The following SLC1A6 variants were observed in gnomAD, a reference collection of about 807,000 sequenced individuals.
The protein encoded by SLC1A6 is solute carrier family 1 member 6.
In SLC1A6, 15 loss-of-function variants were observed where a neutral mutation model predicts 42.1. The observed-to-expected ratio is 0.36, with a 90% CI of 0.24 to 0.55. The LOEUF is 0.55. Among genes scored for constraint, SLC1A6 ranks in the 20% least tolerant of loss-of-function variants. SLC1A6 has a pLI of 0.88. For missense variants in SLC1A6, 542 were observed against 772.5 expected, an observed-to-expected ratio of 0.70 and a Z score of 3.54; for synonymous variants, 317 against 319.7, an observed-to-expected ratio of 0.99 and a Z score of 0.09.
At chr19:14,973,121 C>A (rs2045664499) in intron 1 of SLC1A6, 1 of 564,884 alleles carries the variant, frequency 1.8e-6, no homozygotes, top group Non-Finnish European at 3.1e-6. Context: ...GAGTTCAAGA[C>A]TGGCCTGGGC....
upstream of SLC1A6, among the ~76,000 whole-genome samples, chr19:14,982,851 A>G (rs2045774725): frequency 6.6e-6 from 1 of 152,250 alleles, no homozygotes; most frequent in African/African-American, 2.4e-5. Context: ...ACATTTATTC[A>G]TTTTAACATA....
At chr19:14,989,442 G>GT (rs982979382) in intron 1 of SLC1A6, among the ~76,000 whole-genome samples, 14 of 151,756 alleles carry the variant, frequency 9.2e-5, no homozygotes, top group African/African-American at 3.4e-4. Context: ...TGTATTTTTA[G>GT]TAGAGACGGG....
At chr19:14,998,021 G>GTGAA (rs71168538) in intron 1 of SLC1A6, among the ~76,000 whole-genome samples, 1 of 151,370 alleles carries the variant, frequency 6.6e-6, no homozygotes, top group African/African-American at 2.4e-5. Flanking sequence ...GTGTGTGTGT[G>GTGAA]TATGCACTAT....
At chr19:15,004,318 A>T (rs2045886161) in intron 1 of SLC1A6, among the ~76,000 whole-genome samples, 1 of 152,154 alleles carries the variant, frequency 6.6e-6, no homozygotes, top group South Asian at 2.1e-4. Context: ...ACATACACAC[A>T]CACACACAGA....
chr19:15,006,741 T>C (rs1220584574), intron 1 of SLC1A6, among the ~76,000 whole-genome samples: 5 of 120,916 alleles, frequency 4.1e-5, no homozygotes, highest in African/African-American at 1.6e-4. Flanking sequence ...CAGGGAAAGA[T>C]AGCAAGACCC....
At chr19:14,990,786 CA>C (rs60926365) in intron 1 of SLC1A6, among the ~76,000 whole-genome samples, 24 of 124,772 alleles carry the variant, frequency 1.9e-4, no homozygotes, top group South Asian at 1.5e-3. Flanking sequence ...CAAAACAAAA[CA>C]AAAAAAAAAA....
chr19:14,951,275 A>G (rs1369580219), intron 9 of SLC1A6, among the ~76,000 whole-genome samples: 12 of 132,762 alleles, frequency 9.0e-5, no homozygotes, highest in East Asian at 6.2e-4. Context: ...AAAAAAAAAA[A>G]AAAGAAAGAA....
intron 1 of SLC1A6, among the ~76,000 whole-genome samples, chr19:15,007,014 A>G (rs901782490): frequency 1.3e-5 from 2 of 152,140 alleles, no homozygotes; most frequent in Non-Finnish European, 2.9e-5. Context: ...TATTCCTCTA[A>G]TAAGTACGTA....
At chr19:14,971,494 A>G (rs561301228) in intron 3 of SLC1A6, among the ~76,000 whole-genome samples, 2 of 152,096 alleles carry the variant, frequency 1.3e-5, no homozygotes, top group East Asian at 3.9e-4. Context: ...CTGGCATTTT[A>G]CCTCCAAGGA....
chr19:14,971,288 T>C (rs1025401080), intron 3 of SLC1A6, among the ~76,000 whole-genome samples: 1 of 152,020 alleles, frequency 6.6e-6, no homozygotes, highest in Non-Finnish European at 1.5e-5. Flanking sequence ...AAGCAAAAGT[T>C]TGTGGACCCC....
rs369498295 is a variant in SLC1A6, at chr19:14,968,294, T to C, written c.548+9A>G. The C allele has an allele frequency of 4.4e-6, 7 of 1,603,644 alleles. No homozygotes were observed. The African/African-American group carries it at 9.4e-5, about 21-fold the overall frequency. On this transcript the variant is annotated intron_variant, in intron 4 of 9. Transcript: ENST00000594383. The stretch of plus-strand genomic sequence containing the variant: ...AATGTGTATATTGTGGTTTTTTAGG[T>C]TGGCACACCTGATCAGGTCCATGAA...
intron 8 of SLC1A6, among the ~76,000 whole-genome samples, 188 bp downstream of exon 8, chr19:14,953,947 G>A (rs2045436624): frequency 6.6e-6 from 1 of 152,216 alleles, no homozygotes; most frequent in South Asian, 2.1e-4. Context: ...GCTCCTGACA[G>A]CCTCAGGTGG....
At chr19:14,983,630 G>A (rs896240041), upstream of SLC1A6, among the ~76,000 whole-genome samples, 1 of 148,726 alleles carries the variant, frequency 6.7e-6, no homozygotes, top group Non-Finnish European at 1.5e-5. Flanking sequence ...TGATGCTGCA[G>A]TGACCTATGA....
At chr19:15,008,256 G>A (rs2045906126) in intron 1 of SLC1A6, among the ~76,000 whole-genome samples, 3 of 151,716 alleles carry the variant, frequency 2.0e-5, no homozygotes, top group Non-Finnish European at 2.9e-5. Context: ...GAGGCAGAAG[G>A]ATGGCTTGAT....
At chr19:14,951,538 T>C (rs1401799620) in intron 9 of SLC1A6, among the ~76,000 whole-genome samples, 1 of 152,094 alleles carries the variant, frequency 6.6e-6, no homozygotes, top group Non-Finnish European at 1.5e-5. Context: ...TTTTTTGAGA[T>C]GGTGTTTCAC....
chr19:14,962,414 T>C (rs7247183), intron 5 of SLC1A6, 69 bp from the exon 6 acceptor site: 102,843 of 1,113,700 alleles, frequency 0.092, 5,948 homozygotes, highest in African/African-American at 0.26. Flanking sequence ...GAGAAATTCC[T>C]TGAGACCACT....
At position 14,964,379 on chromosome 19, in the gene SLC1A6, A is replaced by G. The variant is rs766609746; in HGVS notation, c.549-18T>C. ...ACATATTTCTGCAGAAAAACATGAGAAGAAGGAAAGTGGTTAGACCATGGA... is the reference window on the plus strand; with the variant it reads ...ACATATTTCTGCAGAAAAACATGAGGAGAAGGAAAGTGGTTAGACCATGGA... On this transcript the variant is annotated intron_variant, in intron 4 of 9. Transcript: ENST00000594383. The G allele has an allele frequency of 1.2e-6, 2 of 1,612,268 alleles. No homozygotes were observed. Among genetic ancestry groups the G allele is most frequent in the Admixed American group, 3.3e-5 (2 of 59,988 alleles).
chr19:15,010,586 A>G (rs573550154), exon 1 of SLC1A6: 1 of 649,774 alleles, frequency 1.5e-6, no homozygotes, highest in African/African-American at 1.8e-5. Context: ...GAAGGATGCT[A>G]GATGGGCTCT....
At chr19:14,996,588 C>CTTCTTCTTCTTCTTCTTCT (rs1555710449) in intron 1 of SLC1A6, among the ~76,000 whole-genome samples, 22 of 150,534 alleles carry the variant, frequency 1.5e-4, no homozygotes, top group African/African-American at 2.2e-4. Context: ...TCTTCTTCCT[C>CTTCTTCTTCTTCTTCTTCT]TCATTGTACC....
Sources: allele counts gnomAD v4.1 joint callset (sites outside exome capture counted in the v4.1 genomes callset), GRCh38; gene constraint gnomAD v4.1.1; transcripts MANE v1.5; gene names NCBI Gene and HGNC (gene_info 2026-07-23, HGNC 2026-07-21).